COXFA4: variants seen among roughly 807,000 people sequenced by gnomAD.
COXFA4 encodes the protein cytochrome c oxidase associated subunit FA4, also known as cytochrome c oxidase subunit FA4.
At chr7:10,937,327 G>C in the COXFA4 span, among the ~76,000 whole-genome samples, 2 of 151,868 alleles carry the variant, frequency 1.3e-5, no homozygotes, top group African/African-American at 4.8e-5. Context: ...CTGTTGCCCA[G>C]GTTGGAGTGC....
chr7:10,940,111 C>T, the COXFA4 span: 22 of 1,575,026 alleles, frequency 1.4e-5, no homozygotes, highest in East Asian at 1.6e-4. Flanking sequence ...AGCCACCAGG[C>T]CCTAAGCTAA....
the COXFA4 span, among the ~76,000 whole-genome samples, chr7:10,937,509 C>G: frequency 6.6e-6 from 1 of 152,148 alleles, no homozygotes; most frequent in Non-Finnish European, 1.5e-5. Context: ...TTTCCAGCTC[C>G]TGATCTCAAG....
At chr7:10,939,712 A>G in the COXFA4 span, 2 of 457,788 alleles carry the variant, frequency 4.4e-6, no homozygotes, top group Non-Finnish European at 8.0e-6. Flanking sequence ...TCCCTCCTGG[A>G]CCGCACAACC....
the COXFA4 span, chr7:10,933,681 C>G: frequency 2.5e-6 from 4 of 1,609,152 alleles, no homozygotes; most frequent in Non-Finnish European, 3.4e-6. Context: ...AATCCACATT[C>G]ACTGAGTAGA....
chr7:10,937,616 T>C, the COXFA4 span, among the ~76,000 whole-genome samples: 5 of 152,248 alleles, frequency 3.3e-5, 1 homozygote, highest in African/African-American at 7.2e-5. Flanking sequence ...AGGGTCTTTG[T>C]ATGCAAAATT....
At chr7:10,932,153 G>A in the COXFA4 span, 16 of 152,182 alleles carry the variant, frequency 1.1e-4, no homozygotes, top group African/African-American at 3.6e-4. Context: ...GGGAATTGGA[G>A]GGAAAGAGTG....
the COXFA4 span, chr7:10,938,744 G>T: frequency 8.6e-7 from 1 of 1,158,198 alleles, no homozygotes; most frequent in Non-Finnish European, 1.3e-6. Context: ...TCGCCCTACA[G>T]AGACTGTGGC....
chr7:10,935,398 A>G, the COXFA4 span, among the ~76,000 whole-genome samples: 1 of 152,202 alleles, frequency 6.6e-6, no homozygotes, highest in Non-Finnish European at 1.5e-5. Context: ...GTTGAGAAGT[A>G]TTGCTGGGCC....
At chr7:10,939,920 T>G in the COXFA4 span, 1 of 1,369,844 alleles carries the variant, frequency 7.3e-7, no homozygotes, top group South Asian at 1.2e-5. Flanking sequence ...GGACGGTAAG[T>G]GGCTGTAAAT....
chr7:10,937,025 G>C, the COXFA4 span, among the ~76,000 whole-genome samples: 1 of 152,036 alleles, frequency 6.6e-6, no homozygotes, highest in Non-Finnish European at 1.5e-5. Flanking sequence ...GACAGAGTGA[G>C]ACTCTGTCTC....
chr7:10,934,531 T>C, the COXFA4 span, among the ~76,000 whole-genome samples: 2 of 152,152 alleles, frequency 1.3e-5, no homozygotes, highest in African/African-American at 4.8e-5. Context: ...TGCCAAAGAA[T>C]GCTAAAGAGG....
At chr7:10,936,530 C>T in the COXFA4 span, among the ~76,000 whole-genome samples, 3 of 152,164 alleles carry the variant, frequency 2.0e-5, no homozygotes, top group African/African-American at 7.2e-5. Context: ...TTAGTTTAAA[C>T]AAATTCATAA....
chr7:10,940,007 C>A, the COXFA4 span: 7 of 1,613,698 alleles, frequency 4.3e-6, no homozygotes, highest in Middle Eastern at 3.3e-4. Context: ...AGAGCGGTCA[C>A]GAACTTACGC....
the COXFA4 span, chr7:10,938,354 T>C: frequency 1.7e-5 from 9 of 544,800 alleles, no homozygotes; most frequent in East Asian, 2.3e-4. Flanking sequence ...AGAATCCCTA[T>C]CACAAGATAC....
chr7:10,938,162 A>G, the COXFA4 span: 1 of 1,607,236 alleles, frequency 6.2e-7, no homozygotes, highest in East Asian at 2.2e-5. Context: ...AAGAAATAAA[A>G]CATTACGACT....
At chr7:10,936,253 C>G in the COXFA4 span, among the ~76,000 whole-genome samples, 1 of 152,182 alleles carries the variant, frequency 6.6e-6, no homozygotes, top group African/African-American at 2.4e-5. Flanking sequence ...ACTCTGCTAT[C>G]AGTGTCATAG....
chr7:10,939,416 A>G, the COXFA4 span: 1 of 178,670 alleles, frequency 5.6e-6, no homozygotes, highest in Admixed American at 5.4e-5. Flanking sequence ...TATTTAGGGA[A>G]CCGGATTTAA....
At chr7:10,938,836 G>A in the COXFA4 span, 4 of 1,613,440 alleles carry the variant, frequency 2.5e-6, no homozygotes, top group East Asian at 2.2e-5. Flanking sequence ...AATGCCAGAC[G>A]CAAGAGATAC....
chr7:10,939,443 CAT>C, the COXFA4 span: 1 of 175,096 alleles, frequency 5.7e-6, no homozygotes, highest in African/African-American at 2.4e-5. Flanking sequence ...TTAAAGATTG[CAT>C]AGACTTTTAG....
Sources: gnomAD v4.1 joint callset for allele counts (sites outside exome capture counted in the v4.1 genomes callset) on GRCh38, gnomAD v4.1.1 for gene constraint, MANE v1.5 for transcripts, NCBI Gene and HGNC (gene_info 2026-07-23, HGNC 2026-07-21) for gene names.